The following TECRL variants were observed in gnomAD, a reference collection of about 807,000 sequenced individuals.
TECRL encodes the protein trans-2,3-enoyl-CoA reductase like, also known as trans-2,3-enoyl-CoA reductase-like.
TECRL carries 63 observed loss-of-function variants against 52.8 expected under a neutral mutation model. The observed-to-expected ratio is 1.19, with a 90% CI of 0.97 to 1.47. The LOEUF (loss-of-function observed/expected upper bound fraction) is 1.47. TECRL is among the 40% of genes most tolerant of loss of function. The pLI, the probability that TECRL is intolerant of heterozygous loss-of-function variation, is 0.00. For missense variants in TECRL, 482 were observed against 429.6 expected, an observed-to-expected ratio of 1.12 and a Z score of -1.08; for synonymous variants, 164 against 141.9, an observed-to-expected ratio of 1.16 and a Z score of -1.10.
intron 7 of TECRL, 137 bp from the exon 8 acceptor site, chr4:64,300,154 G>C (rs1175273721): frequency 2.0e-6 from 1 of 502,972 alleles, no homozygotes. Context: ...TTCACCTTTT[G>C]GGATGATACT....
intron 1 of TECRL, 53 bp downstream of exon 1, chr4:64,409,065 G>T: frequency 2.2e-6 from 3 of 1,385,852 alleles, no homozygotes; most frequent in Non-Finnish European, 2.9e-6. Flanking sequence ...AATATTTGGG[G>T]CAGAGAAGAA....
intron 2 of TECRL, among the ~76,000 whole-genome samples, chr4:64,373,054 C>T (rs545795458): frequency 2.0e-4 from 31 of 151,582 alleles, no homozygotes; most frequent in Non-Finnish European, 4.0e-4. Flanking sequence ...TTTTCAATGT[C>T]TTTCAAAAAT....
chr4:64,305,451 C>A (rs1445641132), intron 6 of TECRL, among the ~76,000 whole-genome samples: 1 of 151,964 alleles, frequency 6.6e-6, no homozygotes, highest in African/African-American at 2.4e-5. Context: ...AGAGAGGAAC[C>A]AGGTAGGGGC....
intron 9 of TECRL, among the ~76,000 whole-genome samples, chr4:64,285,003 A>T (rs750364312): frequency 6.6e-6 from 1 of 152,110 alleles, no homozygotes; most frequent in Non-Finnish European, 1.5e-5. Flanking sequence ...AGGGAACCAT[A>T]TACTAGAAAA....
intron 1 of TECRL, among the ~76,000 whole-genome samples, chr4:64,403,614 A>G (rs1453099271): frequency 6.6e-6 from 1 of 152,068 alleles, no homozygotes; most frequent in Non-Finnish European, 1.5e-5. Flanking sequence ...TTCCTGTTCC[A>G]TAAAAAATGA....
intron 1 of TECRL, among the ~76,000 whole-genome samples, chr4:64,388,089 A>T (rs1016384259): frequency 3.3e-5 from 5 of 151,636 alleles, no homozygotes; most frequent in Non-Finnish European, 7.4e-5. Flanking sequence ...CAAGGTCATG[A>T]AGATTTTGTT....
intron 2 of TECRL, among the ~76,000 whole-genome samples, chr4:64,370,011 A>T (rs1721873697): frequency 6.6e-6 from 1 of 151,850 alleles, no homozygotes; most frequent in Non-Finnish European, 1.5e-5. Context: ...CCAAAGGCAT[A>T]TATATCTTGA....
rs569523438 is a variant in TECRL, at chr4:64,345,615, A to T, written c.287-17059T>A. Among the ~76,000 whole-genome samples the T allele has an allele frequency of 6.6e-5, 10 of 151,242 alleles. No individual in the cohort carries two copies. In the East Asian group the frequency reaches 2.0e-3, roughly 30 times the overall value. ...ACCTAATGTTAAATGATGAGTTAAT[A>T]GGTGCAGCACACCAACATGGCACAT... On this transcript the variant is annotated intron_variant, in intron 2 of 11. Transcript: ENST00000381210.
chr4:64,405,036 T>G (rs1021857260), intron 1 of TECRL, among the ~76,000 whole-genome samples: 1 of 152,090 alleles, frequency 6.6e-6, no homozygotes, highest in Non-Finnish European at 1.5e-5. Flanking sequence ...GATATTTTTG[T>G]GCTTATATAC....
chr4:64,385,175 C>T (rs1371245753), intron 1 of TECRL, among the ~76,000 whole-genome samples: 6 of 152,158 alleles, frequency 3.9e-5, no homozygotes, highest in Non-Finnish European at 8.8e-5. Context: ...AGTCCTCAGG[C>T]CCCTGATAGT....
chr4:64,397,776 T>A (rs1311866600), intron 1 of TECRL: 3 of 152,230 alleles, frequency 2.0e-5, no homozygotes, highest in Non-Finnish European at 4.4e-5. Flanking sequence ...AATGTGCTGC[T>A]GAATCTAGCA....
rs1722656801 is a variant in TECRL at position 64,278,452 on chromosome 4, A to T, written c.*1620T>A. 1 of 246,486 alleles carries T rather than the reference A, an allele frequency of 4.1e-6. No homozygotes were observed. Among genetic ancestry groups the T allele is most frequent in the Non-Finnish European group, 6.5e-6 (1 of 154,586 alleles). The allele number at this position is 246,486 out of a possible 1,614,324, so 15.3% of individuals were successfully genotyped here. ...AACTTTAAAAAATATTTACTTTAAA[A>T]ATCAGATACTTTTTAAATTAAATTT... On this transcript the variant is annotated 3_prime_UTR_variant, in exon 12 of 12. Transcript: ENST00000381210.
intron 2 of TECRL, among the ~76,000 whole-genome samples, chr4:64,362,584 AT>A (rs1721274934): frequency 6.6e-6 from 1 of 151,948 alleles, no homozygotes; most frequent in Admixed American, 6.6e-5. Context: ...CCAACCAAGA[AT>A]TTAATATCCA....
At chr4:64,403,290 C>T (rs1192920554) in intron 1 of TECRL, among the ~76,000 whole-genome samples, 2 of 151,812 alleles carry the variant, frequency 1.3e-5, no homozygotes, top group African/African-American at 4.8e-5. Context: ...ATGACCACTC[C>T]CCTGAGTTCT....
At chr4:64,322,664 T>C (rs1717985292) in intron 4 of TECRL, 25 bp downstream of exon 4, 2 of 1,454,650 alleles carry the variant, frequency 1.4e-6, no homozygotes, top group Admixed American at 1.9e-5. Context: ...GAGAAATGTA[T>C]ATTACATTTC....
chr4:64,313,364 T>G (rs890267359), intron 5 of TECRL, among the ~76,000 whole-genome samples: 3 of 152,078 alleles, frequency 2.0e-5, no homozygotes. Context: ...AAATATTCTC[T>G]TTCAATTTAA....
In TECRL at chr4:64,287,104, A is replaced by G. The variant is rs1723118597; in HGVS notation, c.832+2606T>C. 2.6e-5 allele frequency among the ~76,000 whole-genome samples: 4 copies of G among 152,136 alleles called. No individual in the cohort carries two copies. The Admixed American group carries it at 2.6e-4, about 10-fold the overall frequency. ...CTTAATGAAATATAGGCTTCACTCCACTGCAAATGAGGACCACAAACTACA... is the reference window on the plus strand; with the variant it reads ...CTTAATGAAATATAGGCTTCACTCCGCTGCAAATGAGGACCACAAACTACA... On this transcript the variant is annotated intron_variant, in intron 9 of 11. Coordinates refer to ENST00000381210, the MANE Select transcript of TECRL (RefSeq NM_001010874.5).
At chr4:64,287,115 G>A (rs1342388719) in intron 9 of TECRL, among the ~76,000 whole-genome samples, 1 of 151,888 alleles carries the variant, frequency 6.6e-6, no homozygotes, top group East Asian at 1.9e-4. Context: ...CTGCAAATGA[G>A]GACCACAAAC....
At chr4:64,351,220 T>C (rs1309633627) in intron 2 of TECRL, among the ~76,000 whole-genome samples, 5 of 151,180 alleles carry the variant, frequency 3.3e-5, no homozygotes, top group Admixed American at 6.6e-5. Flanking sequence ...TAAGTTCTAA[T>C]GTTTGATTGC....
Sources: gnomAD v4.1 joint callset for allele counts (sites outside exome capture counted in the v4.1 genomes callset) on GRCh38, gnomAD v4.1.1 for gene constraint, MANE v1.5 for transcripts, NCBI Gene and HGNC (gene_info 2026-07-23, HGNC 2026-07-21) for gene names.